RNFT2: variants seen among roughly 807,000 people sequenced by gnomAD.
The protein encoded by RNFT2 is ring finger protein, transmembrane 2.
In RNFT2, 36 loss-of-function variants were observed where a neutral mutation model predicts 53.0. That is an observed-to-expected ratio of 0.68 (90% CI 0.52 to 0.90). RNFT2 has a LOEUF of 0.90. Ranked by LOEUF, RNFT2 falls within the 40% of genes least tolerant of loss-of-function variation. The probability of loss-of-function intolerance (pLI) is 0.00; values close to 1 mark genes in which losing one functional copy is unlikely to be tolerated. For synonymous variants in RNFT2, 260 were observed against 253.2 expected, an observed-to-expected ratio of 1.03 and a Z score of -0.26; for missense variants, 514 against 585.6, an observed-to-expected ratio of 0.88 and a Z score of 1.26.
intron 7 of RNFT2, among the ~76,000 whole-genome samples, chr12:116,805,646 A>T: frequency 6.6e-6 from 1 of 152,094 alleles, no homozygotes; most frequent in Admixed American, 6.5e-5. Context: ...GCTAATTTTT[A>T]TAATTTTATT....
At chr12:116,770,662 A>G (rs550230458) in intron 6 of RNFT2, among the ~76,000 whole-genome samples, 14 of 151,954 alleles carry the variant, frequency 9.2e-5, no homozygotes, top group Non-Finnish European at 1.8e-4. Flanking sequence ...GCCTCAAGCA[A>G]TCTTCCCACC....
chr12:116,819,541 G>A (rs553046346), intron 7 of RNFT2, among the ~76,000 whole-genome samples: 1 of 152,250 alleles, frequency 6.6e-6, no homozygotes, highest in South Asian at 2.1e-4. Flanking sequence ...TCTCATCCGG[G>A]CCCGGGGGAG....
At chr12:116,837,585 T>C (rs1344907346) in intron 10 of RNFT2, among the ~76,000 whole-genome samples, 1 of 152,150 alleles carries the variant, frequency 6.6e-6, no homozygotes, top group Non-Finnish European at 1.5e-5. Flanking sequence ...TCATGTTCAA[T>C]TGTATTTCTT....
In RNFT2 at chr12:116,836,044, G is replaced by T. The variant is rs900765836; in HGVS notation, c.1098+19G>T. 3 of 1,613,742 alleles carry T rather than the reference G, an allele frequency of 1.9e-6. No individual in the cohort carries two copies. The Admixed American group carries it at 5.0e-5, about 27-fold the overall frequency. Reference sequence around the variant, plus strand: ...CTCTCAGGTGAGTTGGCTTCAGGTGGTCCCCACCAGGGTCCTGAGAATCAG... The same window carrying T: ...CTCTCAGGTGAGTTGGCTTCAGGTGTTCCCCACCAGGGTCCTGAGAATCAG... On this transcript the variant is annotated intron_variant, in intron 9 of 10. Transcript: ENST00000257575.
chr12:116,751,699 C>T (rs1872259121), intron 4 of RNFT2, among the ~76,000 whole-genome samples: 1 of 152,000 alleles, frequency 6.6e-6, no homozygotes, highest in Admixed American at 6.6e-5. Flanking sequence ...CTGTGCCTGG[C>T]CTAGTATACT....
chr12:116,750,726 C>T (rs543955215), intron 4 of RNFT2, among the ~76,000 whole-genome samples: 5 of 148,226 alleles, frequency 3.4e-5, no homozygotes, highest in East Asian at 2.0e-4. Flanking sequence ...TTATAGTCTT[C>T]ATGGGATCAC....
chr12:116,770,006 T>G (rs1396537571), intron 6 of RNFT2, among the ~76,000 whole-genome samples: 1 of 152,136 alleles, frequency 6.6e-6, no homozygotes, highest in African/African-American at 2.4e-5. Context: ...CTGCATCCAG[T>G]CTGGGTGATA....
At chr12:116,835,840 G>C in intron 8 of RNFT2, 120 bp from the exon 9 acceptor site, 2 of 931,380 alleles carry the variant, frequency 2.1e-6, no homozygotes, top group Non-Finnish European at 3.4e-6. Context: ...GAGAAGAGGA[G>C]CCCTAAAAAT....
In RNFT2 at chr12:116,744,048, G is replaced by A. The variant is rs1871775271; in HGVS notation, c.83+2954G>A. Among the ~76,000 whole-genome samples the A allele has an allele frequency of 2.0e-5, 3 of 152,026 alleles. No individual in the cohort carries two copies. In the South Asian group the frequency reaches 6.2e-4, roughly 32 times the overall value. The stretch of plus-strand genomic sequence containing the variant: ...TTGAGACCAGCCTGGCCAACATGCT[G>A]AAACCCCATCTCTACTAAAAATACA... On this transcript the variant is annotated intron_variant, in intron 3 of 10. Transcript: ENST00000257575.
intron 7 of RNFT2, among the ~76,000 whole-genome samples, chr12:116,812,822 C>G (rs1337183339): frequency 6.6e-6 from 1 of 152,202 alleles, no homozygotes; most frequent in East Asian, 1.9e-4. Flanking sequence ...GTGTGAGCCA[C>G]TGCGCCTGGC....
At chr12:116,799,401 C>T (rs1357540530) in intron 7 of RNFT2, among the ~76,000 whole-genome samples, 12 of 152,208 alleles carry the variant, frequency 7.9e-5, no homozygotes. Flanking sequence ...AATTATATCT[C>T]CAAAATCCCT....
rs1269324019 is a variant in RNFT2 at position 116,852,916 on chromosome 12, C to A, written c.*3468C>A. 2 of 600,606 alleles carry A rather than the reference C, an allele frequency of 3.3e-6. No individual in the cohort carries two copies. The highest frequency in any genetic ancestry group is 3.7e-5 in the African/African-American group (2 of 53,904). 37.2% of individuals were successfully genotyped at this position (600,606 alleles called of 1,614,324 possible). ...TCCAATTATGCCCATGCCACCAAAA[C>A]AATAAAACAAAATTCTCTAACACTG... On this transcript the variant is annotated 3_prime_UTR_variant, in exon 11 of 11. Transcript: ENST00000257575.
rs1044834703 is a variant in RNFT2 at position 116,852,194 on chromosome 12, T to A, written c.*2746T>A. ...TATTGTCAACCTCAGCACAACAGGC[T>A]GGCGCCAATGGCATTACAGAGAAAG... On this transcript the variant is annotated 3_prime_UTR_variant, in exon 11 of 11. Coordinates refer to ENST00000257575, the MANE Select transcript of RNFT2 (RefSeq NM_001382266.1). 6 of 1,214,302 alleles carry A rather than the reference T, an allele frequency of 4.9e-6. No homozygotes were observed. The highest frequency in any genetic ancestry group is 6.4e-6 in the Non-Finnish European group (6 of 935,958). The allele number at this position is 1,214,302 out of a possible 1,614,324, so 75.2% of individuals were successfully genotyped here.
intron 10 of RNFT2, 32 bp downstream of exon 10, chr12:116,836,314 C>A (rs1263414310): frequency 4.6e-6 from 7 of 1,533,006 alleles, no homozygotes; most frequent in Middle Eastern, 1.7e-4. Context: ...CCATTGGAGA[C>A]CAAGGCTGGG....
At chr12:116,802,872 A>T (rs115038428) in intron 7 of RNFT2, among the ~76,000 whole-genome samples, 3,082 of 152,034 alleles carry the variant, frequency 0.02, 113 homozygotes, top group African/African-American at 0.07. Flanking sequence ...AGCCAGGAGG[A>T]TCACTTGAAT....
chr12:116,839,774 AAGGGAGGG>A (rs368090730), intron 10 of RNFT2, among the ~76,000 whole-genome samples: 2 of 96,946 alleles, frequency 2.1e-5, no homozygotes, highest in South Asian at 3.8e-4. Context: ...GGAAGGAAGG[AAGGGAGGG>A]AGGGAGGGAG....
At chr12:116,788,101 A>G (rs1874021611) in intron 7 of RNFT2, among the ~76,000 whole-genome samples, 1 of 151,874 alleles carries the variant, frequency 6.6e-6, no homozygotes, top group South Asian at 2.1e-4. Flanking sequence ...CTAATTTTAT[A>G]TTTTTAGTAG....
chr12:116,747,906 C>G (rs1871986837), intron 3 of RNFT2, among the ~76,000 whole-genome samples: 1 of 151,980 alleles, frequency 6.6e-6, no homozygotes, highest in African/African-American at 2.4e-5. Flanking sequence ...AGGATGAACC[C>G]TCGGCCGGGC....
intron 10 of RNFT2, among the ~76,000 whole-genome samples, chr12:116,844,385 C>T (rs537517530): frequency 1.1e-3 from 167 of 152,270 alleles, no homozygotes; most frequent in Non-Finnish European, 2.0e-3. Context: ...TACAGGCACA[C>T]GCCACCATGC....
Sources: gnomAD v4.1 joint callset for allele counts (sites outside exome capture counted in the v4.1 genomes callset) on GRCh38, gnomAD v4.1.1 for gene constraint, MANE v1.5 for transcripts, NCBI Gene and HGNC (gene_info 2026-07-23, HGNC 2026-07-21) for gene names.